CIT: variants seen among roughly 807,000 people sequenced by gnomAD.
CIT encodes citron rho-interacting serine/threonine kinase, also known as citron Rho-interacting kinase.
A neutral mutation model predicts 272.7 loss-of-function variants in CIT; 79 were observed. The ratio of observed to expected loss-of-function variants is 0.29; its 90% CI spans 0.24 to 0.35. CIT has a LOEUF of 0.35. Among genes scored for constraint, CIT ranks in the 10% least tolerant of loss-of-function variants. The probability of loss-of-function intolerance (pLI) is 1.00; values close to 1 mark genes in which losing one functional copy is unlikely to be tolerated. For missense variants in CIT, 1,909 were observed against 2,618.3 expected (o/e 0.73, Z 5.91); for synonymous variants, 948 against 995.6 (o/e 0.95, Z 0.90).
chr12:119,686,874 A>T lies in CIT; in HGVS notation c.*1358T>A, dbSNP rs1955608597. On this transcript the variant is annotated 3_prime_UTR_variant, in exon 48 of 48. Transcript: ENST00000392521. ...TTCCCAACCCTGGCGGAGCTGGAAG[A>T]GTTGAGCTGCGGCTGCTTTCTCAAA... 1 of 152,682 alleles carries T rather than the reference A, an allele frequency of 6.5e-6. No homozygotes were observed. The highest frequency in any genetic ancestry group is 2.4e-5 in the African/African-American group (1 of 41,442). 9.5% of individuals were successfully genotyped at this position (152,682 alleles called of 1,614,324 possible).
Position 119,745,374 on chromosome 12 carries a change from C to A in CIT, c.2905-2910G>T, listed in dbSNP as rs200848494. 7.3e-3 allele frequency among the ~76,000 whole-genome samples: 51 copies of A among 7,006 alleles called. 2 individuals are homozygous for A. Among genetic ancestry groups the A allele is most frequent in the South Asian group, 0.048 (2 of 42 alleles). The allele number at this position is 7,006 out of a possible 152,430, so 4.6% of individuals were successfully genotyped here. Reference sequence around the variant, plus strand: ...TGAAATAAAAAACAGAAGAAACAAGCAAAAAAAAAAAAAAAAAAAAAAAAC... The same window carrying A: ...TGAAATAAAAAACAGAAGAAACAAGAAAAAAAAAAAAAAAAAAAAAAAAAC... On this transcript the variant is annotated intron_variant, in intron 23 of 47. Coordinates refer to ENST00000392521, the MANE Select transcript of CIT (RefSeq NM_001206999.2).
At chr12:119,774,130 T>C (rs539812232) in intron 16 of CIT, among the ~76,000 whole-genome samples, 1 of 152,004 alleles carries the variant, frequency 6.6e-6, no homozygotes, top group Non-Finnish European at 1.5e-5. Context: ...AGTAGAAAGG[T>C]AGGGGGATGA....
In CIT at chr12:119,734,039, A is replaced by C. The variant is rs964850849; in HGVS notation, c.3350+125T>G. ...CAAGAGTCTCCTGGTTTTTAGCACCAGGAGGCTTGTGACCCAGGAAACTTC... is the reference window on the plus strand; with the variant it reads ...CAAGAGTCTCCTGGTTTTTAGCACCCGGAGGCTTGTGACCCAGGAAACTTC... On this transcript the variant is annotated intron_variant, in intron 26 of 47. Transcript: ENST00000392521. The C allele has an allele frequency of 2.9e-6, 3 of 1,027,394 alleles. No individual in the cohort carries two copies. In the African/African-American group the frequency reaches 4.9e-5, roughly 17 times the overall value. 63.6% of individuals were successfully genotyped at this position (1,027,394 alleles called of 1,614,324 possible).
intron 41 of CIT, among the ~76,000 whole-genome samples, chr12:119,702,673 G>A (rs1440150022): frequency 1.3e-5 from 2 of 150,304 alleles, no homozygotes; most frequent in Non-Finnish European, 3.0e-5. Context: ...GGCGACAAGA[G>A]CAAAACTCTG....
rs755100637 is a variant in CIT at position 119,776,422 on chromosome 12, G to T, written c.1837-14C>A. ...TTGATCCTTAGCCTGTAATTAAAAA[G>T]ACACAACATATTGGGAAATCTCAAC... is the stretch of plus-strand genomic sequence containing the variant. On this transcript the variant is annotated splice_polypyrimidine_tract_variant and intron_variant, in intron 14 of 47. Coordinates refer to ENST00000392521, the MANE Select transcript of CIT (RefSeq NM_001206999.2). 5.0e-6 allele frequency: 8 copies of T among 1,611,172 alleles called. No individual in the cohort carries two copies. The Admixed American group carries it at 6.7e-5, about 13-fold the overall frequency.
chr12:119,787,466 T>C (rs1964896851), intron 10 of CIT, among the ~76,000 whole-genome samples: 2 of 150,228 alleles, frequency 1.3e-5, no homozygotes, highest in South Asian at 4.2e-4. Flanking sequence ...GCGCGGTGGC[T>C]GATGCCTGTA....
intron 42 of CIT, 44 bp downstream of exon 42, chr12:119,701,806 C>G: frequency 6.2e-7 from 1 of 1,614,136 alleles, no homozygotes; most frequent in Non-Finnish European, 8.5e-7. Flanking sequence ...AGTCTCAGCG[C>G]GGCCTGAGCC....
chr12:119,826,569 C>G (rs189182583), intron 7 of CIT, among the ~76,000 whole-genome samples: 1 of 152,154 alleles, frequency 6.6e-6, no homozygotes, highest in Non-Finnish European at 1.5e-5. Context: ...ATTATTTTGA[C>G]GTTTTACTGA....
intron 3 of CIT, among the ~76,000 whole-genome samples, chr12:119,863,821 C>T (rs959467811): frequency 4.6e-5 from 7 of 150,618 alleles, no homozygotes; most frequent in African/African-American, 1.5e-4. Flanking sequence ...TGAGCCACCA[C>T]GCCGGACCAA....
rs573135062 is a variant in CIT, at chr12:119,810,386, C to T, written c.1112-6997G>A. Among the ~76,000 whole-genome samples, 9 of 152,232 alleles carry T rather than the reference C, an allele frequency of 5.9e-5. No individual in the cohort carries two copies. The South Asian group carries it at 1.5e-3, about 25-fold the overall frequency. ...GGAGGAAAGACAGTGAGTTTTTCCA[C>T]ATTCAGGTTACAGAAAGAAGTAACA... On this transcript the variant is annotated intron_variant, in intron 9 of 47. Transcript: ENST00000392521.
intron 2 of CIT, among the ~76,000 whole-genome samples, chr12:119,875,627 G>A (rs1264661460): frequency 6.6e-6 from 1 of 152,038 alleles, no homozygotes; most frequent in African/African-American, 2.4e-5. Context: ...GCCTAGAGTC[G>A]ACAGAAGACC....
At chr12:119,733,709 G>A (rs769281737) in intron 26 of CIT, among the ~76,000 whole-genome samples, 7 of 152,104 alleles carry the variant, frequency 4.6e-5, no homozygotes, top group South Asian at 4.2e-4. Context: ...ATGCTGTCCC[G>A]TCCTACAATG....
At position 119,734,177 on chromosome 12, in the gene CIT, C is replaced by T. The variant is rs149435157; in HGVS notation, c.3337G>A (p.Glu1113Lys). Residue 1113 changes from glutamate (E) to lysine (K), a missense_variant, in exon 26 of 48, where the codon GAG becomes AAG. Transcript: ENST00000392521. ...VRELQRMLDT[E>K]KQSRARADQR... ...ACAAAGCCCCACCTGCTCTGTTTCT[C>T]GGTGTCCAGCATTCTCTGCAGCTCT... The T allele has an allele frequency of 1.9e-6, 3 of 1,613,420 alleles. No individual in the cohort carries two copies. Among genetic ancestry groups the T allele is most frequent in the African/African-American group, 2.7e-5 (2 of 74,814 alleles).
chr12:119,833,663 C>CAAAAAAAA (rs35433156), intron 6 of CIT, among the ~76,000 whole-genome samples: 7 of 83,810 alleles, frequency 8.4e-5, no homozygotes, highest in Admixed American at 4.6e-4. Context: ...GACTCTGTCT[C>CAAAAAAAA]AAAAAAAAAA....
rs771321640 is a variant in CIT at position 119,752,266 on chromosome 12, G to A, written c.2707-19C>T. 1.3e-5 allele frequency: 21 copies of A among 1,580,094 alleles called. No individual in the cohort carries two copies. Among genetic ancestry groups the A allele is most frequent in the Non-Finnish European group, 1.7e-5 (20 of 1,163,706 alleles). On this transcript the variant is annotated intron_variant, in intron 22 of 47. Transcript: ENST00000392521. ...GACTGACCTGAGACAGAGAGAGAGA[G>A]AGAAAGAGAGATAAACCCTTGCTTG...
At chr12:119,871,047 A>T (rs894920544) in intron 2 of CIT, among the ~76,000 whole-genome samples, 5 of 150,786 alleles carry the variant, frequency 3.3e-5, no homozygotes, top group African/African-American at 7.3e-5. Context: ...TGAACCCAGG[A>T]GGCGGAGGTT....
At chr12:119,758,277 A>C (rs941650033) in intron 21 of CIT, among the ~76,000 whole-genome samples, 5 of 152,220 alleles carry the variant, frequency 3.3e-5, no homozygotes, top group Admixed American at 6.5e-5. Context: ...TTCACCTCTT[A>C]CTAATTACAG....
chr12:119,711,292 C>T (rs902051304), intron 37 of CIT, among the ~76,000 whole-genome samples: 1 of 152,176 alleles, frequency 6.6e-6, no homozygotes, highest in Non-Finnish European at 1.5e-5. Flanking sequence ...CTGGAGCAAA[C>T]GTCAATGAGC....
At chr12:119,771,698 C>A (rs751413337) in intron 17 of CIT, among the ~76,000 whole-genome samples, 4 of 152,106 alleles carry the variant, frequency 2.6e-5, no homozygotes, top group Non-Finnish European at 4.4e-5. Context: ...GAAGGAGAAG[C>A]TGGAGGCAGA....
Sources: allele counts gnomAD v4.1 joint callset (sites outside exome capture counted in the v4.1 genomes callset), GRCh38; gene constraint gnomAD v4.1.1; transcripts MANE v1.5; gene names NCBI Gene and HGNC (gene_info 2026-07-23, HGNC 2026-07-21).